The following TAMM41 variants were observed in gnomAD, a reference collection of about 807,000 sequenced individuals.
TAMM41 encodes the protein phosphatidate cytidylyltransferase, mitochondrial.
A neutral mutation model predicts 44.1 loss-of-function variants in TAMM41; 36 were observed. The ratio of observed to expected loss-of-function variants is 0.82; its 90% CI spans 0.63 to 1.08. The LOEUF is 1.08. TAMM41 is among the 50% of genes least tolerant of loss of function. The pLI, the probability that TAMM41 is intolerant of heterozygous loss-of-function variation, is 0.00. For missense variants in TAMM41, 417 were observed against 404.3 expected (o/e 1.03, Z -0.27); for synonymous variants, 164 against 153.1 (o/e 1.07, Z -0.53).
chr3:11,724,152 G>A, the TAMM41 span, among the ~76,000 whole-genome samples: 1 of 151,722 alleles, frequency 6.6e-6, no homozygotes, highest in Non-Finnish European at 1.5e-5. Context: ...TGCCCAGGCT[G>A]GAGTGCAGTG....
At chr3:11,763,940 T>C in the TAMM41 span, among the ~76,000 whole-genome samples, 1 of 152,244 alleles carries the variant, frequency 6.6e-6, no homozygotes, top group Non-Finnish European at 1.5e-5. Context: ...TTGAATAATA[T>C]ATAAAGCATT....
At chr3:11,765,568 T>C in the TAMM41 span, among the ~76,000 whole-genome samples, 1 of 152,338 alleles carries the variant, frequency 6.6e-6, no homozygotes, top group South Asian at 2.1e-4. Flanking sequence ...AAATATGCAG[T>C]CTGTACATAT....
chr3:11,803,403 A>G (rs2077812064), intron 7 of TAMM41, among the ~76,000 whole-genome samples: 1 of 152,196 alleles, frequency 6.6e-6, no homozygotes, highest in Non-Finnish European at 1.5e-5. Flanking sequence ...AAAAAAAACA[A>G]AAAACAAAAA....
At chr3:11,825,752 T>C (rs1575678059) in intron 4 of TAMM41, among the ~76,000 whole-genome samples, 1 of 152,134 alleles carries the variant, frequency 6.6e-6, no homozygotes, top group East Asian at 1.9e-4. Context: ...AATGGGGCTG[T>C]CATGTTTCAA....
chr3:11,781,870 C>A, the TAMM41 span, among the ~76,000 whole-genome samples: 35 of 152,110 alleles, frequency 2.3e-4, no homozygotes, highest in African/African-American at 7.5e-4. Flanking sequence ...TTGACTCATC[C>A]CACCGGTAAG....
intron 7 of TAMM41, among the ~76,000 whole-genome samples, chr3:11,805,219 C>A (rs2077871894): frequency 6.6e-6 from 1 of 152,072 alleles, no homozygotes; most frequent in South Asian, 2.1e-4. Flanking sequence ...CCAGGCTGGT[C>A]TCAAACCCCT....
At chr3:11,742,835 A>T in the TAMM41 span, among the ~76,000 whole-genome samples, 20,172 of 151,708 alleles carry the variant, frequency 0.13, 1,514 homozygotes, top group Admixed American at 0.16. Flanking sequence ...GACTCAAGCG[A>T]TCTTCCTGCC....
At chr3:11,761,463 C>A in the TAMM41 span, among the ~76,000 whole-genome samples, 1 of 152,074 alleles carries the variant, frequency 6.6e-6, no homozygotes. Flanking sequence ...GGGCTCTCCA[C>A]TCATAGAGGA....
At chr3:11,733,351 G>A in the TAMM41 span, among the ~76,000 whole-genome samples, 5 of 152,154 alleles carry the variant, frequency 3.3e-5, no homozygotes, top group South Asian at 8.3e-4. Flanking sequence ...ATAGACTGTC[G>A]GTGGGGCACA....
the TAMM41 span, among the ~76,000 whole-genome samples, chr3:11,763,599 G>C: frequency 1.3e-5 from 2 of 152,172 alleles, no homozygotes; most frequent in African/African-American, 4.8e-5. Flanking sequence ...GTGATCCTGG[G>C]TTATCTATAA....
chr3:11,741,411 G>C, the TAMM41 span, among the ~76,000 whole-genome samples: 2 of 148,998 alleles, frequency 1.3e-5, no homozygotes, highest in African/African-American at 5.2e-5. Flanking sequence ...TCATGACTCA[G>C]TCACCTCCTA....
intron 2 of TAMM41, among the ~76,000 whole-genome samples, chr3:11,840,542 A>C (rs776590787): frequency 7.9e-5 from 12 of 151,482 alleles, no homozygotes; most frequent in Non-Finnish European, 1.6e-4. Flanking sequence ...GCCTGATTAA[A>C]CTCTTTACAG....
chr3:11,751,153 G>A, the TAMM41 span, among the ~76,000 whole-genome samples: 7 of 149,868 alleles, frequency 4.7e-5, no homozygotes, highest in Non-Finnish European at 8.9e-5. Context: ...GCACAGTGGC[G>A]TGATCTCAAA....
the TAMM41 span, among the ~76,000 whole-genome samples, chr3:11,778,745 G>A: frequency 6.6e-6 from 1 of 152,110 alleles, no homozygotes; most frequent in Non-Finnish European, 1.5e-5. Flanking sequence ...CCCTGATGAT[G>A]AGTGATGTTG....
At chr3:11,770,745 C>T in the TAMM41 span, among the ~76,000 whole-genome samples, 1 of 152,126 alleles carries the variant, frequency 6.6e-6, no homozygotes, top group Admixed American at 6.6e-5. Context: ...AACAGAAGTA[C>T]GAGCGACAGC....
the TAMM41 span, among the ~76,000 whole-genome samples, chr3:11,737,011 G>A: frequency 1.3e-5 from 2 of 151,836 alleles, no homozygotes; most frequent in East Asian, 3.9e-4. Flanking sequence ...TGCAGTGCAG[G>A]GAGAGTCAGG....
chr3:11,791,875 C>T (rs900879778), intron 7 of TAMM41, among the ~76,000 whole-genome samples: 18 of 152,164 alleles, frequency 1.2e-4, no homozygotes, highest in Admixed American at 6.5e-5. Flanking sequence ...TGCCTCCACC[C>T]CTTTTAATTT....
chr3:11,725,336 CTTCTCCTCCTCCTCCTTTTTT>C, the TAMM41 span, among the ~76,000 whole-genome samples: 6 of 68,088 alleles, frequency 8.8e-5, no homozygotes, highest in Non-Finnish European at 1.5e-4. Flanking sequence ...TCCTTTTTTT[CTTCTCCTCCTCCTCCTTTTTT>C]TTCTTCTTCT....
At chr3:11,725,946 T>A in the TAMM41 span, among the ~76,000 whole-genome samples, 1 of 152,164 alleles carries the variant, frequency 6.6e-6, no homozygotes, top group South Asian at 2.1e-4. Context: ...AGTTAACAAT[T>A]TCTTAAGGCT....
Sources: gnomAD v4.1 joint callset for allele counts (sites outside exome capture counted in the v4.1 genomes callset) on GRCh38, gnomAD v4.1.1 for gene constraint, MANE v1.5 for transcripts, NCBI Gene and HGNC (gene_info 2026-07-23, HGNC 2026-07-21) for gene names.